The following SLCO4A1 variants were observed in gnomAD, a reference collection of about 807,000 sequenced individuals.
SLCO4A1 encodes solute carrier organic anion transporter family member 4A1, also known as colon organic anion transporter.
SLCO4A1 carries 51 observed loss-of-function variants against 64.6 expected under a neutral mutation model. The ratio of observed to expected loss-of-function variants is 0.79; its 90% CI spans 0.63 to 1.00. SLCO4A1 has a LOEUF of 1.00. Ranked by LOEUF, SLCO4A1 falls within the 50% of genes least tolerant of loss-of-function variation. The probability of loss-of-function intolerance (pLI) is 0.00; values close to 1 mark genes in which losing one functional copy is unlikely to be tolerated. For missense variants in SLCO4A1, 919 were observed against 980.5 expected, an observed-to-expected ratio of 0.94 and a Z score of 0.84; for synonymous variants, 471 against 444.9, an observed-to-expected ratio of 1.06 and a Z score of -0.74.
intron 3 of SLCO4A1, 74 bp from the exon 4 acceptor site, chr20:62,660,338 A>G: frequency 6.5e-7 from 1 of 1,540,558 alleles, no homozygotes; most frequent in South Asian, 1.1e-5. Flanking sequence ...AGGGGCCAGC[A>G]GCCCCCAGTG....
chr20:62,663,124 G>A (rs907897418), intron 5 of SLCO4A1: 3 of 152,206 alleles, frequency 2.0e-5, no homozygotes, highest in African/African-American at 4.8e-5. Flanking sequence ...GCGAGCCAGC[G>A]AACACCTCCA....
downstream of SLCO4A1, among the ~76,000 whole-genome samples, chr20:62,687,900 G>A (rs111365430): frequency 3.5e-3 from 527 of 152,218 alleles, 2 homozygotes; most frequent in African/African-American, 0.012. Context: ...GTACCCCAGG[G>A]GATCCCCACT....
intron 5 of SLCO4A1, chr20:62,663,520 C>A (rs1985467069): frequency 1.3e-5 from 2 of 152,224 alleles, no homozygotes; most frequent in Non-Finnish European, 2.9e-5. Context: ...ATGGACATGT[C>A]ATTTATTGTG....
intron 2 of SLCO4A1, 152 bp downstream of exon 2, chr20:62,657,402 G>A (rs1983947853): frequency 1.3e-6 from 1 of 775,178 alleles, no homozygotes; most frequent in Non-Finnish European, 2.0e-6. Flanking sequence ...TGGCAGGGGA[G>A]GAGGGTCCGC....
In SLCO4A1 at chr20:62,656,506, T is replaced by A; in HGVS notation, c.52T>A (p.Ser18Thr). The change falls in exon 2 of 12, where the codon TCA becomes ACA. Residue 18 changes from serine (S) to threonine (T), a missense_variant. Coordinates refer to ENST00000217159, the MANE Select transcript of SLCO4A1 (RefSeq NM_016354.4). ...GCCGCTCACCTTCCCCAGCCCCAAC[T>A]CAGCCATGGAAAACGGGCTTGACCA... ...DKPLTFPSPN[S>T]AMENGLDHTP... 1 of 1,552,900 alleles carries A rather than the reference T, an allele frequency of 6.4e-7. No individual in the cohort carries two copies. The highest frequency in any genetic ancestry group is 8.7e-7 in the Non-Finnish European group (1 of 1,150,454).
rs762821516 is a variant in SLCO4A1, at chr20:62,668,083, C to T, written c.1710C>T (p.Cys570=). 2 of 1,614,000 alleles carry T rather than the reference C, an allele frequency of 1.2e-6. No individual in the cohort carries two copies. The highest frequency in any genetic ancestry group is 1.1e-5 in the South Asian group (1 of 91,082). Residue 570 remains cysteine (C), a synonymous_variant, in exon 9 of 12, where the codon TGC becomes TGT. Coordinates refer to ENST00000217159, the MANE Select transcript of SLCO4A1 (RefSeq NM_016354.4). ...TTGGCCATGCCACTGCAGGGAAATG[C>T]ACTTCAACTTGTCAGAGAAAGCCCC... ...SGFGHATAGK[C]TSTCQRKPLL... is the part of the protein sequence containing the mutation.
At chr20:62,678,074 G>A (rs1987673287) in intron 2 of SLCO4A1, among the ~76,000 whole-genome samples, 1 of 152,226 alleles carries the variant, frequency 6.6e-6, no homozygotes, top group African/African-American at 2.4e-5. Flanking sequence ...GAAGCTGGAG[G>A]AAGGGAAAAC....
rs764525058 is a variant in SLCO4A1, at chr20:62,656,667, G to A, written c.213G>A (p.Gly71=). ...QLWAEKHGAR[G]THEVRYVSAG... The stretch of plus-strand genomic sequence containing the variant: ...GGGCCGAGAAGCATGGCGCCCGGGG[G>A]ACCCATGAGGTGCGGTACGTCTCGG... The change falls in exon 2 of 12, where the codon GGG becomes GGA. Residue 71 remains glycine, a synonymous_variant. Coordinates refer to ENST00000217159, the MANE Select transcript of SLCO4A1 (RefSeq NM_016354.4). The A allele has an allele frequency of 3.7e-5, 59 of 1,605,996 alleles. No individual in the cohort carries two copies. The highest frequency in any genetic ancestry group is 4.8e-5 in the Non-Finnish European group (57 of 1,176,858).
rs1299593016 is a variant in SLCO4A1 at position 62,658,724 on chromosome 20, A to G, written c.844A>G (p.Ile282Val). Residue 282 changes from isoleucine (I) to valine (V), a missense_variant, in exon 3 of 12, where the codon ATT (isoleucine) becomes GTT (valine). Coordinates refer to ENST00000217159, the MANE Select transcript of SLCO4A1 (RefSeq NM_016354.4). ...CCTGGGCCCAGCTGCCGGCTACCTGATTGGAGGTGCCCTGCTGAATATCTA... is the reference window on the plus strand; with the variant it reads ...CCTGGGCCCAGCTGCCGGCTACCTGGTTGGAGGTGCCCTGCTGAATATCTA... ...AILGPAAGYL[I>V]GGALLNIYTE... 2 of 1,612,216 alleles carry G rather than the reference A, an allele frequency of 1.2e-6. No homozygotes were observed. Among genetic ancestry groups the G allele is most frequent in the African/African-American group, 2.7e-5 (2 of 74,916 alleles).
chr20:62,657,172 G>A lies in SLCO4A1; in HGVS notation c.718G>A (p.Gly240Ser). ...FMLGQFLHGV[G>S]ATPLYTLGVT... ...GCTGGGCCAGTTCCTGCATGGCGTG[G>A]GTGCCACACCCCTCTACACGCTGGG... Residue 240 changes from glycine (G) to serine (S), a missense_variant, in exon 2 of 12, where the codon GGT becomes AGT. Transcript: ENST00000217159. The A allele has an allele frequency of 1.3e-6, 2 of 1,556,000 alleles. No individual in the cohort carries two copies. Among genetic ancestry groups the A allele is most frequent in the Non-Finnish European group, 1.7e-6 (2 of 1,150,712 alleles).
At chr20:62,682,272 G>A (rs112632214) in intron 2 of SLCO4A1, among the ~76,000 whole-genome samples, 133 of 152,340 alleles carry the variant, frequency 8.7e-4, no homozygotes, top group Admixed American at 1.6e-3. Flanking sequence ...CCTGGCTTGC[G>A]GGACAAGACT....
At chr20:62,647,882 C>T (rs547728070) in intron 1 of SLCO4A1, among the ~76,000 whole-genome samples, 50 of 152,340 alleles carry the variant, frequency 3.3e-4, no homozygotes, top group South Asian at 1.2e-3. Flanking sequence ...AGAGGTCAGC[C>T]GGATTCGCCT....
chr20:62,657,049 G>A lies in SLCO4A1; in HGVS notation c.595G>A (p.Val199Met). 1.9e-6 allele frequency: 3 copies of A among 1,596,446 alleles called. No homozygotes were observed. The highest frequency in any genetic ancestry group is 2.6e-6 in the Non-Finnish European group (3 of 1,169,518). ...LPHFTAGRYE[V>M]ELDAGVRTCP... Reference sequence around the variant, plus strand: ...CCACTTCACGGCTGGCCGCTATGAGGTGGAGTTGGACGCGGGTGTCAGGAC... The same window carrying A: ...CCACTTCACGGCTGGCCGCTATGAGATGGAGTTGGACGCGGGTGTCAGGAC... The change falls in exon 2 of 12, where the codon GTG (valine) becomes ATG (methionine). Residue 199 changes from valine to methionine, a missense_variant. Transcript: ENST00000217159.
rs1052285037 is a variant in SLCO4A1 at position 62,658,623 on chromosome 20, T to C, written c.797-54T>C. ...CCAGGCACGGGGCCCCACACGGCCC[T>C]CCGCAGCCCCTGGGTGGTGCACAGC... On this transcript the variant is annotated intron_variant, in intron 2 of 11. Transcript: ENST00000217159. 7 of 1,466,118 alleles carry C rather than the reference T, an allele frequency of 4.8e-6. No homozygotes were observed. In the African/African-American group the frequency reaches 8.3e-5, roughly 17 times the overall value. The allele number at this position is 1,466,118 out of a possible 1,614,324, so 90.8% of individuals were successfully genotyped here.
intron 7 of SLCO4A1, chr20:62,667,417 T>A (rs1442323272): frequency 7.0e-6 from 2 of 285,950 alleles, no homozygotes; most frequent in African/African-American, 4.3e-5. Context: ...TACTTGGCGC[T>A]TTTTCTTTCC....
intron 1 of SLCO4A1, among the ~76,000 whole-genome samples, chr20:62,654,599 C>A (rs1282286147): frequency 1.3e-5 from 2 of 152,266 alleles, no homozygotes; most frequent in East Asian, 3.8e-4. Flanking sequence ...GAGCCCTGAG[C>A]ATGGCTGATG....
chr20:62,671,762 CTCT>C lies in SLCO4A1; in HGVS notation c.2043_2045del (p.Phe682del). ...CCTCTCTCCCCAGGTGCTGGGCGTCCTCTTCTTTGCCATAGCCTGCTTCTTATA... is the reference window on the plus strand; with the variant it reads ...CCTCTCTCCCCAGGTGCTGGGCGTCCTCTTTGCCATAGCCTGCTTCTTATA... On this transcript the variant is annotated inframe_deletion, in exon 12 of 12. Coordinates refer to ENST00000217159, the MANE Select transcript of SLCO4A1 (RefSeq NM_016354.4). 3.7e-6 allele frequency: 6 copies of C among 1,613,426 alleles called. No individual in the cohort carries two copies. Among genetic ancestry groups the C allele is most frequent in the Non-Finnish European group, 5.1e-6 (6 of 1,179,830 alleles).
chr20:62,665,400 C>G (rs1008737797), intron 6 of SLCO4A1: 1 of 285,500 alleles, frequency 3.5e-6, no homozygotes, highest in African/African-American at 2.2e-5. Flanking sequence ...CCTGGCTGTT[C>G]CATGAGCCAG....
chr20:62,681,524 G>T (rs1020349197), intron 2 of SLCO4A1, among the ~76,000 whole-genome samples: 1 of 82,786 alleles, frequency 1.2e-5, no homozygotes, highest in African/African-American at 5.4e-5. Flanking sequence ...TTATTAAGCC[G>T]TGTGTACACA....
Sources: gnomAD v4.1 joint callset for allele counts (sites outside exome capture counted in the v4.1 genomes callset) on GRCh38, gnomAD v4.1.1 for gene constraint, MANE v1.5 for transcripts, NCBI Gene and HGNC (gene_info 2026-07-23, HGNC 2026-07-21) for gene names.